The following MMP26 variants were observed in gnomAD, a reference collection of about 807,000 sequenced individuals.
MMP26 encodes the protein matrix metalloproteinase-26.
In MMP26, 33 loss-of-function variants were observed where a neutral mutation model predicts 31.0. The observed-to-expected ratio is 1.06, with a 90% confidence interval of 0.81 to 1.42. The LOEUF is 1.42. Among genes scored for constraint, MMP26 ranks in the 40% most tolerant of loss-of-function variants. The pLI is 0.00. For missense variants in MMP26, 347 were observed against 316.1 expected (o/e 1.10, Z -0.74); for synonymous variants, 122 against 114.9 (o/e 1.06, Z -0.40).
intron 2 of MMP26, chr11:4,947,191 T>A (rs1306429084): frequency 6.4e-6 from 6 of 937,786 alleles, no homozygotes; most frequent in Non-Finnish European, 9.3e-6. Flanking sequence ...AAAAGCAGTG[T>A]TAAAATTTGT....
chr11:4,886,103 ATTAC>A (rs1448156174), intron 2 of MMP26, among the ~76,000 whole-genome samples: 1 of 152,050 alleles, frequency 6.6e-6, no homozygotes, highest in African/African-American at 2.4e-5. Context: ...ACTATTTCCT[ATTAC>A]TTAACACTTC....
rs565891507 is a variant in MMP26, at chr11:4,975,711, G to A, written c.-144-12357G>A. 2.2e-4 allele frequency among the ~76,000 whole-genome samples: 34 copies of A among 152,070 alleles called. No homozygotes were observed. The East Asian group carries it at 5.2e-3, about 23-fold the overall frequency. On this transcript the variant is annotated intron_variant, in intron 2 of 7. Transcript: ENST00000380390. ...CACTGCCTCAACCTTCTCTGTCACT[G>A]ACTTCATCTCCCCTCCATGCTGTTC...
At chr11:4,778,415 G>A (rs1848816738) in intron 2 of MMP26, among the ~76,000 whole-genome samples, 1 of 151,972 alleles carries the variant, frequency 6.6e-6, no homozygotes, top group Admixed American at 6.6e-5. Flanking sequence ...ATTGCATTGT[G>A]ATATCACTTT....
chr11:4,760,518 T>C (rs532399790), intron 1 of MMP26, among the ~76,000 whole-genome samples: 1 of 152,328 alleles, frequency 6.6e-6, no homozygotes, highest in Admixed American at 6.5e-5. Flanking sequence ...AGGATGGATA[T>C]AATCTCACAA....
chr11:4,983,123 T>C (rs937978331), intron 2 of MMP26, among the ~76,000 whole-genome samples: 2 of 152,212 alleles, frequency 1.3e-5, no homozygotes, highest in Non-Finnish European at 1.5e-5. Context: ...CTCAGTTGAA[T>C]AAATAAATTG....
At chr11:4,943,392 G>C (rs1846245330) in intron 2 of MMP26, 1 of 416,392 alleles carries the variant, frequency 2.4e-6, no homozygotes. Flanking sequence ...TCTGGTATCA[G>C]ATTGCCCCTA....
chr11:4,939,482 T>C (rs1305448380), intron 2 of MMP26, among the ~76,000 whole-genome samples: 1 of 152,180 alleles, frequency 6.6e-6, no homozygotes, highest in Non-Finnish European at 1.5e-5. Context: ...AGAGTGGCTA[T>C]CTTTTCCAAA....
chr11:4,960,633 G>A (rs1156686045), intron 2 of MMP26, among the ~76,000 whole-genome samples: 1 of 151,844 alleles, frequency 6.6e-6, no homozygotes, highest in African/African-American at 2.4e-5. Context: ...AAATAATCCT[G>A]ATTGCTGAAA....
At chr11:4,942,988 T>C (rs998520149) in intron 2 of MMP26, 3 of 152,314 alleles carry the variant, frequency 2.0e-5, no homozygotes, top group African/African-American at 4.8e-5. Flanking sequence ...CAAGTAGTTG[T>C]CTACTTTAAA....
In MMP26 at chr11:4,769,693, C is replaced by T. The variant is rs778080376; in HGVS notation, c.-145+2352C>T. The stretch of plus-strand genomic sequence containing the variant: ...ATGTTGTTGACAATGAAGAAACAGT[C>T]AAGCCCAGATCAGTGGCTGATAGCC... On this transcript the variant is annotated intron_variant, in intron 2 of 7. Coordinates refer to ENST00000380390, the MANE Select transcript of MMP26 (RefSeq NM_021801.5). 8.7e-6 allele frequency: 14 copies of T among 1,613,176 alleles called. No individual in the cohort carries two copies. The South Asian group carries it at 1.4e-4, about 16-fold the overall frequency.
chr11:4,768,922 C>T, intron 2 of MMP26: 1 of 1,233,076 alleles, frequency 8.1e-7, no homozygotes, highest in Non-Finnish European at 1.1e-6. Context: ...AGCAAGTTCG[C>T]TTTTCTACAG....
rs568224998 is a variant in MMP26 at position 4,979,194 on chromosome 11, A to C, written c.-144-8874A>C. Among the ~76,000 whole-genome samples, 11 of 152,238 alleles carry C rather than the reference A, an allele frequency of 7.2e-5. No homozygotes were observed. In the East Asian group the frequency reaches 2.1e-3, roughly 29 times the overall value. ...GATACTTGGCTTGCATCCACACAGGAAATCAAAGATGGATAACCATGAAGC... is the reference window on the plus strand; with the variant it reads ...GATACTTGGCTTGCATCCACACAGGCAATCAAAGATGGATAACCATGAAGC... On this transcript the variant is annotated intron_variant, in intron 2 of 7. Coordinates refer to ENST00000380390, the MANE Select transcript of MMP26 (RefSeq NM_021801.5).
At chr11:4,829,627 G>A (rs1564789784) in intron 2 of MMP26, among the ~76,000 whole-genome samples, 1 of 152,092 alleles carries the variant, frequency 6.6e-6, no homozygotes, top group Non-Finnish European at 1.5e-5. Context: ...GTGAGATTAA[G>A]TGCCTTTGAG....
At chr11:4,705,281 A>G (rs1847760195) in intron 1 of MMP26, among the ~76,000 whole-genome samples, 1 of 152,190 alleles carries the variant, frequency 6.6e-6, no homozygotes, top group Admixed American at 6.5e-5. Flanking sequence ...AAAAAAGAAA[A>G]AAAAATTTAA....
At chr11:4,963,870 G>A (rs982857209) in intron 2 of MMP26, among the ~76,000 whole-genome samples, 2 of 152,076 alleles carry the variant, frequency 1.3e-5, no homozygotes, top group Admixed American at 6.6e-5. Flanking sequence ...TGATCAGTGA[G>A]GTTGAGCTTT....
At chr11:4,910,794 A>G (rs931900885) in intron 2 of MMP26, among the ~76,000 whole-genome samples, 10 of 151,972 alleles carry the variant, frequency 6.6e-5, no homozygotes, top group African/African-American at 9.7e-5. Context: ...ATAAATATCT[A>G]TTGGTCAATT....
intron 2 of MMP26, among the ~76,000 whole-genome samples, chr11:4,835,384 G>C (rs1452178842): frequency 6.6e-6 from 1 of 151,886 alleles, no homozygotes; most frequent in Non-Finnish European, 1.5e-5. Flanking sequence ...AAATGTGCTT[G>C]CTAATACTTT....
intron 2 of MMP26, among the ~76,000 whole-genome samples, chr11:4,903,356 T>G (rs1453167029): frequency 1.3e-5 from 2 of 152,166 alleles, no homozygotes; most frequent in Non-Finnish European, 2.9e-5. Context: ...TTTTATAGTT[T>G]GTAAAGTGCT....
chr11:4,882,931 C>A, intron 2 of MMP26: 1 of 1,485,278 alleles, frequency 6.7e-7, no homozygotes, highest in Non-Finnish European at 9.2e-7. Context: ...AAGAAAGGGA[C>A]TTGGGGCAGT....
Sources: allele counts gnomAD v4.1 joint callset (sites outside exome capture counted in the v4.1 genomes callset), GRCh38; gene constraint gnomAD v4.1.1; transcripts MANE v1.5; gene names NCBI Gene and HGNC (gene_info 2026-07-23, HGNC 2026-07-21).